DNAJC10: variants seen among roughly 807,000 people sequenced by gnomAD.
The protein encoded by DNAJC10 is DnaJ heat shock protein family (Hsp40) member C10.
A neutral mutation model predicts 115.0 loss-of-function variants in DNAJC10; 101 were observed. The observed-to-expected ratio is 0.88, with a 90% confidence interval of 0.75 to 1.04. The LOEUF is 1.04. DNAJC10 is among the 50% of genes least tolerant of loss of function. DNAJC10 has a pLI of 0.00. For missense variants in DNAJC10, 981 were observed against 928.8 expected, an observed-to-expected ratio of 1.06 and a Z score of -0.73; for synonymous variants, 307 against 301.5, an observed-to-expected ratio of 1.02 and a Z score of -0.19.
intron 9 of DNAJC10, among the ~76,000 whole-genome samples, 158 bp from the exon 10 acceptor site, chr2:182,732,340 AT>A (rs1693471814): frequency 7.2e-6 from 1 of 138,778 alleles, no homozygotes; most frequent in South Asian, 2.2e-4. Context: ...GTGTGTTTGT[AT>A]GTGTGTGTGT....
rs1694728453 is a variant in DNAJC10 at position 182,777,194 on chromosome 2, T to C, written c.*62T>C. 3 of 1,028,324 alleles carry C rather than the reference T, an allele frequency of 2.9e-6. No individual in the cohort carries two copies. In the East Asian group the frequency reaches 8.1e-5, roughly 28 times the overall value. 63.7% of individuals were successfully genotyped at this position (1,028,324 alleles called of 1,614,324 possible). On this transcript the variant is annotated 3_prime_UTR_variant, in exon 24 of 24. Transcript: ENST00000264065. ...CTGACAGATGACATCAGAAGACACCTATTTAGAATGTTACATTTATGATGG... is the reference window on the plus strand; with the variant it reads ...CTGACAGATGACATCAGAAGACACCCATTTAGAATGTTACATTTATGATGG...
intron 21 of DNAJC10, among the ~76,000 whole-genome samples, chr2:182,761,750 A>T (rs534747354): frequency 9.2e-5 from 14 of 152,206 alleles, no homozygotes; most frequent in African/African-American, 3.1e-4. Flanking sequence ...GCGTGGTTAG[A>T]TATGAAATCG....
chr2:182,734,087 A>T (rs1574927433), intron 10 of DNAJC10, among the ~76,000 whole-genome samples: 2 of 142,736 alleles, frequency 1.4e-5, no homozygotes, highest in African/African-American at 5.1e-5. Context: ...AGCTTTATTG[A>T]TTTTTTTTTT....
rs1469041108 is a variant in DNAJC10 at position 182,785,701 on chromosome 2, G to A, written c.*8569G>A. ...AGGAAAAAGAAAAAGAGGCTTTTCA[G>A]TCATGAGCCAAATGCAGTATGTGGG... On this transcript the variant is annotated 3_prime_UTR_variant, in exon 24 of 24. Transcript: ENST00000264065. 1 of 152,118 alleles carries A rather than the reference G, an allele frequency of 6.6e-6. No individual in the cohort carries two copies. Among genetic ancestry groups the A allele is most frequent in the African/African-American group, 2.4e-5 (1 of 41,440 alleles). 9.4% of individuals were successfully genotyped at this position (152,118 alleles called of 1,614,324 possible).
chr2:182,730,972 T>A (rs1443608213), intron 8 of DNAJC10, 58 bp from the exon 9 acceptor site: 29 of 1,163,004 alleles, frequency 2.5e-5, no homozygotes, highest in Non-Finnish European at 3.5e-5. Flanking sequence ...GAAGACTGTT[T>A]CCATTAGTAA....
rs80195417 is a variant in DNAJC10 at position 182,788,893 on chromosome 2, C to T, written c.*11761C>T. The T allele has an allele frequency of 2.2e-3, 959 of 432,370 alleles. 8 individuals are homozygous for T. Among genetic ancestry groups the T allele is most frequent in the African/African-American group, 0.018 (851 of 48,242 alleles). The allele number at this position is 432,370 out of a possible 1,614,324, so 26.8% of individuals were successfully genotyped here. A position where few individuals can be genotyped will look rare whatever the true frequency, so the allele number is the denominator to read the frequency against. On this transcript the variant is annotated 3_prime_UTR_variant, in exon 24 of 24. Transcript: ENST00000264065. ...GTGTCTTCTTTAAAACTCTTGATTC[C>T]TTTTAGAGTTTTTTAAATTGTGATA...
chr2:182,774,563 C>A (rs1445009669), intron 22 of DNAJC10, among the ~76,000 whole-genome samples: 11 of 152,202 alleles, frequency 7.2e-5, no homozygotes, highest in African/African-American at 2.7e-4. Flanking sequence ...ATGGCAGACA[C>A]CCCTCCCCCA....
At chr2:182,773,946 G>T (rs1251314108) in intron 22 of DNAJC10, among the ~76,000 whole-genome samples, 1 of 151,204 alleles carries the variant, frequency 6.6e-6, no homozygotes, top group East Asian at 1.9e-4. Flanking sequence ...TTCTGCTCTG[G>T]TTTCTCCCCA....
chr2:182,765,314 A>G (rs1050161704), intron 22 of DNAJC10, among the ~76,000 whole-genome samples: 2 of 152,178 alleles, frequency 1.3e-5, no homozygotes, highest in African/African-American at 2.4e-5. Flanking sequence ...GGGGTAAGAC[A>G]GGGGCATCTA....
intron 22 of DNAJC10, among the ~76,000 whole-genome samples, chr2:182,767,072 A>T (rs1396553810): frequency 6.6e-6 from 1 of 152,092 alleles, no homozygotes; most frequent in Non-Finnish European, 1.5e-5. Context: ...CACTAGAAAA[A>T]ATCTCTTCCT....
intron 11 of DNAJC10, among the ~76,000 whole-genome samples, chr2:182,738,343 G>A (rs1049204924): frequency 2.0e-5 from 3 of 152,110 alleles, no homozygotes; most frequent in Non-Finnish European, 4.4e-5. Context: ...TGTGCCATCC[G>A]TCAACAAGGA....
intron 15 of DNAJC10, 51 bp from the exon 16 acceptor site, chr2:182,752,021 G>C (rs3115425): frequency 0.63 from 869,141 of 1,390,176 alleles, 275,071 homozygotes; most frequent in Middle Eastern, 0.75. Context: ...ATGATGGGGG[G>C]GTTTTTTGTG....
chr2:182,728,730 T>C, intron 6 of DNAJC10, 72 bp downstream of exon 6: 1 of 1,508,484 alleles, frequency 6.6e-7, no homozygotes, highest in Admixed American at 1.9e-5. Context: ...TAGAATTTTT[T>C]TTTCTATGAA....
rs1219989991 is a variant in DNAJC10, at chr2:182,783,300, C to T, written c.*6168C>T. On this transcript the variant is annotated 3_prime_UTR_variant, in exon 24 of 24. Transcript: ENST00000264065. ...CTAAGTGGCTATTTATATTACCAAG[C>T]GGTAAAACATTAGCTAACTAAAACA... 6.6e-6 allele frequency: 1 copy of T among 152,038 alleles called. No individual in the cohort carries two copies. Among genetic ancestry groups the T allele is most frequent in the Non-Finnish European group, 1.5e-5 (1 of 68,014 alleles). The allele number at this position is 152,038 out of a possible 1,614,324, so 9.4% of individuals were successfully genotyped here.
Position 182,785,780 on chromosome 2 carries a change from GATCT to G in DNAJC10, c.*8651_*8654del, listed in dbSNP as rs1429745342. 6.6e-6 allele frequency: 1 copy of G among 152,110 alleles called. No homozygotes were observed. The highest frequency in any genetic ancestry group is 1.5e-5 in the Non-Finnish European group (1 of 68,012). 9.4% of individuals were successfully genotyped at this position (152,110 alleles called of 1,614,324 possible). ...TATTGTATACATTTATATATACATA[GATCT>G]ATAGAGACAGTAGGATATATTTCAT... On this transcript the variant is annotated 3_prime_UTR_variant, in exon 24 of 24. Coordinates refer to ENST00000264065, the MANE Select transcript of DNAJC10 (RefSeq NM_018981.4).
rs772331136 is a variant in DNAJC10 at position 182,762,682 on chromosome 2, A to G, written c.2146A>G (p.Met716Val). 1.9e-6 allele frequency: 3 copies of G among 1,611,694 alleles called. No individual in the cohort carries two copies. Among genetic ancestry groups the G allele is most frequent in the Non-Finnish European group, 1.7e-6 (2 of 1,178,506 alleles). ...GGCAAACTGTATTTTTCTTTTTCAG[A>G]TGATTAAAGGAAAAGTGAAAGCTGG... ...FAPEFELLAR[M>V]IKGKVKAGKV... The change falls in exon 22 of 24, where the codon ATG becomes GTG. Residue 716 changes from methionine to valine, a missense_variant and splice_region_variant. Coordinates refer to ENST00000264065, the MANE Select transcript of DNAJC10 (RefSeq NM_018981.4).
intron 17 of DNAJC10, among the ~76,000 whole-genome samples, chr2:182,755,436 C>CT (rs76238413): frequency 0.17 from 23,075 of 134,738 alleles, 3,860 homozygotes; most frequent in African/African-American, 0.44. Context: ...TCTACAGCAT[C>CT]TTTTTTTTTT....
rs1211110557 is a variant in DNAJC10 at position 182,736,297 on chromosome 2, C to A, written c.898C>A (p.Leu300Ile). The part of the protein sequence containing the change: ...GWMDCATQDN[L>I]CKSLDITTST... The stretch of plus-strand genomic sequence containing the variant: ...GATGGACTGTGCCACCCAGGATAAC[C>A]TTTGTAAAAGCTTAGATATTACAAC... The change falls in exon 11 of 24, where the codon CTT (leucine) becomes ATT (isoleucine). Residue 300 changes from leucine (L) to isoleucine (I), a missense_variant. By Grantham distance (5) the Leu-to-Ile change is conservative (BLOSUM62 2). Transcript: ENST00000264065. The A allele has an allele frequency of 6.3e-7, 1 of 1,594,504 alleles. No individual in the cohort carries two copies. Among genetic ancestry groups the A allele is most frequent in the Admixed American group, 1.8e-5 (1 of 56,082 alleles).
intron 22 of DNAJC10, among the ~76,000 whole-genome samples, chr2:182,769,305 T>C (rs1464311389): frequency 1.3e-5 from 2 of 152,184 alleles, no homozygotes; most frequent in African/African-American, 4.8e-5. Context: ...TGTGTCTTTA[T>C]AGTAGCATGA....
Sources: allele counts gnomAD v4.1 joint callset (sites outside exome capture counted in the v4.1 genomes callset), GRCh38; gene constraint gnomAD v4.1.1; transcripts MANE v1.5; gene names NCBI Gene and HGNC (gene_info 2026-07-23, HGNC 2026-07-21).